The following GPBP1L1 variants were observed in gnomAD, a reference collection of about 807,000 sequenced individuals.
GPBP1L1 encodes GC-rich promoter binding protein 1 like 1.
Under a neutral mutation model 52.5 loss-of-function variants are expected in GPBP1L1, and 23 were observed. The ratio of observed to expected loss-of-function variants is 0.44; its 90% CI spans 0.32 to 0.62. The LOEUF (loss-of-function observed/expected upper bound fraction) is 0.62. Among genes scored for constraint, GPBP1L1 ranks in the 20% least tolerant of loss-of-function variants. GPBP1L1 has a pLI of 0.06. For missense variants in GPBP1L1, 596 were observed against 579.3 expected, an observed-to-expected ratio of 1.03 and a Z score of -0.30; for synonymous variants, 243 against 203.1, an observed-to-expected ratio of 1.20 and a Z score of -1.67.
chr1:45,656,844 G>T (rs931312112), intron 4 of GPBP1L1, among the ~76,000 whole-genome samples: 11 of 147,344 alleles, frequency 7.5e-5, no homozygotes, highest in Non-Finnish European at 1.5e-4. Context: ...TTTTGTTGTT[G>T]TTTTTTTTTT....
Position 45,654,633 on chromosome 1 carries a change from C to T in GPBP1L1, c.387G>A (p.Gly129=), listed in dbSNP as rs764837180. ...HWNGSFHSRK[G]CAFQEKPPME... is the part of the protein sequence containing the mutation. ...TAGGTGGCTTTTCCTGAAAAGCACA[C>T]CCTTTCCGGGAGTGGAAGCTGCCAT... Residue 129 remains glycine (G), a synonymous_variant, in exon 6 of 13, where the codon GGG becomes GGA. Transcript: ENST00000355105. The T allele has an allele frequency of 6.2e-7, 1 of 1,614,192 alleles. No individual in the cohort carries two copies. Among genetic ancestry groups the T allele is most frequent in the Admixed American group, 1.7e-5 (1 of 60,012 alleles).
intron 6 of GPBP1L1, 172 bp downstream of exon 6, chr1:45,654,371 G>C: frequency 1.7e-6 from 1 of 597,760 alleles, no homozygotes; most frequent in Non-Finnish European, 2.7e-6. Context: ...AGGAGTTTTG[G>C]TCACCATTTT....
intron 2 of GPBP1L1, among the ~76,000 whole-genome samples, chr1:45,684,258 C>CAAAAAAAAAAAAAAA (rs60624036): frequency 1.7e-4 from 15 of 88,466 alleles, no homozygotes; most frequent in African/African-American, 3.3e-4. Context: ...AACTCCGTCT[C>CAAAAAAAAAAAAAAA]AAAAAAAAAA....
In GPBP1L1 at chr1:45,640,330, A is replaced by G; in HGVS notation, c.624T>C (p.Ala208=). 2.5e-6 allele frequency: 4 copies of G among 1,614,064 alleles called. No homozygotes were observed. Among genetic ancestry groups the G allele is most frequent in the Non-Finnish European group, 3.4e-6 (4 of 1,179,910 alleles). The part of the protein sequence containing the change: ...IKKVSKEDPA[A]AFSAAFTSPG... ...GTGAGGTGAATGCAGCAGAGAAGGCAGCAGCAGGATCCTCTTTGGAAACTT... is the reference window on the plus strand; with the variant it reads ...GTGAGGTGAATGCAGCAGAGAAGGCGGCAGCAGGATCCTCTTTGGAAACTT... Residue 208 remains alanine (A), a synonymous_variant, in exon 8 of 13, where the codon GCT becomes GCC. Coordinates refer to ENST00000355105, the MANE Select transcript of GPBP1L1 (RefSeq NM_021639.5).
chr1:45,678,504 C>T (rs1447473968), intron 2 of GPBP1L1, among the ~76,000 whole-genome samples: 1 of 152,084 alleles, frequency 6.6e-6, no homozygotes, highest in Non-Finnish European at 1.5e-5. Flanking sequence ...TGAGGAATTG[C>T]TATGCTGTAT....
chr1:45,630,938 A>T (rs1370309322), intron 10 of GPBP1L1, among the ~76,000 whole-genome samples: 1 of 152,244 alleles, frequency 6.6e-6, no homozygotes, highest in African/African-American at 2.4e-5. Flanking sequence ...GTGGGGGGAA[A>T]AAGTGTGGTA....
In GPBP1L1 at chr1:45,654,832, A is replaced by G. The variant is rs1468281769; in HGVS notation, c.191-3T>C. 1.2e-6 allele frequency: 2 copies of G among 1,612,306 alleles called. No homozygotes were observed. The highest frequency in any genetic ancestry group is 2.7e-5 in the African/African-American group (2 of 74,868). Reference sequence around the variant, plus strand: ...CAGGGAGGGCTGGTGCCAAGAATCTAGAATAGTAAAGAAAAGGACTAATTA... The same window carrying G: ...CAGGGAGGGCTGGTGCCAAGAATCTGGAATAGTAAAGAAAAGGACTAATTA... On this transcript the variant is annotated splice_polypyrimidine_tract_variant and splice_region_variant and intron_variant, in intron 5 of 12. Transcript: ENST00000355105.
intron 2 of GPBP1L1, among the ~76,000 whole-genome samples, chr1:45,679,737 T>C (rs997279587): frequency 2.6e-5 from 4 of 152,044 alleles, no homozygotes; most frequent in Admixed American, 6.6e-5. Context: ...TTCTACTTCA[T>C]TGTTCCAAAA....
rs1254445942 is a variant in GPBP1L1, at chr1:45,660,233, TG to T, written c.-106del. The T allele has an allele frequency of 4.8e-5, 47 of 985,270 alleles. No homozygotes were observed. The African/African-American group carries it at 6.6e-4, about 14-fold the overall frequency. 61.0% of individuals were successfully genotyped at this position (985,270 alleles called of 1,614,324 possible). Reference sequence around the variant, plus strand: ...TGTTTCTGAACTCGAGTCGGCCAGCTGGATCTCCCACAAGGTTTCCTTGTTA... The same window carrying T: ...TGTTTCTGAACTCGAGTCGGCCAGCTGATCTCCCACAAGGTTTCCTTGTTA... On this transcript the variant is annotated 5_prime_UTR_variant, in exon 3 of 13. Coordinates refer to ENST00000355105, the MANE Select transcript of GPBP1L1 (RefSeq NM_021639.5).
intron 12 of GPBP1L1, 122 bp downstream of exon 12, chr1:45,629,454 T>TCCCAC: frequency 3.5e-5 from 4 of 115,394 alleles, no homozygotes; most frequent in South Asian, 9.7e-5. Context: ...ACTAAGGTAA[T>TCCCAC]CCCCCCCCCC....
chr1:45,628,148 G>A lies in GPBP1L1; in HGVS notation c.*108C>T, dbSNP rs1335280998. On this transcript the variant is annotated 3_prime_UTR_variant, in exon 13 of 13. Transcript: ENST00000355105. Reference sequence around the variant, plus strand: ...TTTGGGATATGATTATTTCCCTTGTGAATGAAGTATTCAACAACATAAGAA... The same window carrying A: ...TTTGGGATATGATTATTTCCCTTGTAAATGAAGTATTCAACAACATAAGAA... 12 of 1,043,376 alleles carry A rather than the reference G, an allele frequency of 1.2e-5. No individual in the cohort carries two copies. Among genetic ancestry groups the A allele is most frequent in the East Asian group, 9.5e-5 (4 of 41,980 alleles). 64.6% of individuals were successfully genotyped at this position (1,043,376 alleles called of 1,614,324 possible).
rs1174011768 is a variant in GPBP1L1, at chr1:45,685,593, A to C, written c.-1115T>G. The C allele has an allele frequency of 6.6e-6, 1 of 152,268 alleles. No homozygotes were observed. The highest frequency in any genetic ancestry group is 1.5e-5 in the Non-Finnish European group (1 of 68,042). 9.4% of individuals were successfully genotyped at this position (152,268 alleles called of 1,614,324 possible). ...AGCCTCACCTTTGTTTTCACCCAGC[A>C]TAAGGAGAGTTAAAGGTGAGACACC... On this transcript the variant is annotated 5_prime_UTR_variant, in exon 2 of 13. It removes an upstream start codon present in the reference 5' UTR. Transcript: ENST00000355105.
intron 12 of GPBP1L1, 95 bp from the exon 13 acceptor site, chr1:45,628,503 C>A: frequency 8.3e-7 from 1 of 1,201,818 alleles, no homozygotes; most frequent in Non-Finnish European, 1.2e-6. Context: ...CAATTCAATT[C>A]TAGGTAGAAT....
In GPBP1L1 at chr1:45,629,455, C is replaced by CCG. The variant is rs1557691705; in HGVS notation, c.1272+120_1272+121insCG. Reference sequence around the variant, plus strand: ...CCCACTACATTTCTACTAAGGTAATCCCCCCCCCCCCCACCCGATCTTTCT... The same window carrying CCG: ...CCCACTACATTTCTACTAAGGTAATCCGCCCCCCCCCCCCACCCGATCTTTCT... On this transcript the variant is annotated intron_variant, in intron 12 of 12. Coordinates refer to ENST00000355105, the MANE Select transcript of GPBP1L1 (RefSeq NM_021639.5). 7.7e-4 allele frequency: 37 copies of CCG among 48,330 alleles called. 1 individual carries two copies. Among genetic ancestry groups the CCG allele is most frequent in the Non-Finnish European group, 1.2e-3 (26 of 22,580 alleles). 3.0% of individuals were successfully genotyped at this position (48,330 alleles called of 1,614,324 possible).
chr1:45,640,401 T>C lies in GPBP1L1; in HGVS notation c.553A>G (p.Asn185Asp), dbSNP rs763083962. 8 of 1,613,116 alleles carry C rather than the reference T, an allele frequency of 5.0e-6. No individual in the cohort carries two copies. Among genetic ancestry groups the C allele is most frequent in the Non-Finnish European group, 5.1e-6 (6 of 1,179,644 alleles). The stretch of plus-strand genomic sequence containing the variant: ...GAGGGTTGCTTGGCACTAGGCGGGT[T>C]TTCTGTGAAGTACAAGAGTGGAGAG... The part of the protein sequence containing the change: ...PIGTPSGVWE[N>D]PPSAKQPSKM... Residue 185 changes from asparagine to aspartate, a missense_variant and splice_region_variant, in exon 8 of 13, where the codon AAC becomes GAC. By Grantham distance (23) the Asn-to-Asp change is conservative (BLOSUM62 1). Transcript: ENST00000355105.
chr1:45,653,049 C>T (rs1644838226), intron 6 of GPBP1L1, among the ~76,000 whole-genome samples: 1 of 152,128 alleles, frequency 6.6e-6, no homozygotes, highest in East Asian at 1.9e-4. Context: ...ATAGACCTTC[C>T]TGAGGATAAA....
chr1:45,647,183 T>C (rs1204560780), intron 6 of GPBP1L1, among the ~76,000 whole-genome samples: 60 of 151,600 alleles, frequency 4.0e-4, no homozygotes, highest in Non-Finnish European at 6.9e-4. Flanking sequence ...TTTTTTTTTT[T>C]CTGAGACCAA....
chr1:45,629,454 T>TCC (rs374490837), intron 12 of GPBP1L1, 122 bp downstream of exon 12: 78 of 117,598 alleles, frequency 6.6e-4, no homozygotes, highest in African/African-American at 2.9e-3. Flanking sequence ...ACTAAGGTAA[T>TCC]CCCCCCCCCC....
chr1:45,647,021 C>T (rs11211150), intron 6 of GPBP1L1, among the ~76,000 whole-genome samples: 1,774 of 151,692 alleles, frequency 0.012, 25 homozygotes, highest in African/African-American at 0.037. Flanking sequence ...TTTTCCTTCG[C>T]TGTCTAATTC....
Sources: gnomAD v4.1 joint callset for allele counts (sites outside exome capture counted in the v4.1 genomes callset) on GRCh38, gnomAD v4.1.1 for gene constraint, MANE v1.5 for transcripts, NCBI Gene and HGNC (gene_info 2026-07-23, HGNC 2026-07-21) for gene names.